C2: variants seen among roughly 807,000 people sequenced by gnomAD.
C2 encodes the protein C3/C5 convertase.
A neutral mutation model predicts 85.2 loss-of-function variants in C2; 64 were observed. The observed-to-expected ratio is 0.75, with a 90% CI of 0.61 to 0.92. The LOEUF (loss-of-function observed/expected upper bound fraction) is 0.92, where lower values mean the gene tolerates loss of function less well. C2 is among the 40% of genes least tolerant of loss of function. The pLI is 0.00. For missense variants in C2, 820 were observed against 971.6 expected, an observed-to-expected ratio of 0.84 and a Z score of 2.07; for synonymous variants, 311 against 370.8, an observed-to-expected ratio of 0.84 and a Z score of 1.85.
chr6:31,937,092 C>A, intron 7 of C2: 1 of 537,980 alleles, frequency 1.9e-6, no homozygotes, highest in South Asian at 2.2e-5. Context: ...ACCTGTAATC[C>A]CAGCTACTTG....
upstream of C2, among the ~76,000 whole-genome samples, chr6:31,916,180 A>G (rs644045): frequency 0.73 from 110,385 of 151,964 alleles, 40,673 homozygotes; most frequent in South Asian, 0.84. Flanking sequence ...GGACTTGGCC[A>G]TAGGTAGTTA....
chr6:31,944,822 T>A lies in C2; in HGVS notation c.1998T>A (p.Ser666Arg). ...TGGTGACAGACCAGTTCCTATGCAG[T>A]GGGACCCAGGAGGATGAGAGTCCCT... ...REVVTDQFLC[S>R]GTQEDESPCK... The change falls in exon 16 of 18, where the codon AGT (serine) becomes AGA (arginine). Residue 666 changes from serine to arginine, a missense_variant. Coordinates refer to ENST00000299367, the MANE Select transcript of C2 (RefSeq NM_000063.6). This position sits in a 1 kb window ranked among gnomAD's most constrained non-coding sequence, Gnocchi z 5.1. 6.2e-7 allele frequency: 1 copy of A among 1,613,068 alleles called. No individual in the cohort carries two copies. The highest frequency in any genetic ancestry group is 8.5e-7 in the Non-Finnish European group (1 of 1,180,012).
intron 7 of C2, 95 bp from the exon 8 acceptor site, chr6:31,937,224 T>C (rs1770492516): frequency 1.5e-6 from 2 of 1,330,322 alleles, no homozygotes; most frequent in East Asian, 4.6e-5. Context: ...AAAAAAAAAT[T>C]GCATTTCCAA....
chr6:31,936,242 C>T, intron 7 of C2, 181 bp downstream of exon 7: 1 of 654,470 alleles, frequency 1.5e-6, no homozygotes, highest in Non-Finnish European at 2.7e-6. Flanking sequence ...GCCCCCAGCT[C>T]ATAGCTCATT....
Position 31,901,150 on chromosome 6 carries a change from G to C in C2, c.73+11G>C, listed in dbSNP as rs1479808251. On this transcript the variant is annotated intron_variant, in intron 1 of 3. Transcript: ENST00000452202. ...GGTCCCGCAGGAAGGGTGAGCAGGC[G>C]GCCAAGATGACCTTGTGGCCTCGAA... 1.2e-5 allele frequency: 20 copies of C among 1,613,810 alleles called. 1 individual carries two copies. The highest frequency in any genetic ancestry group is 6.6e-5 in the South Asian group (6 of 91,080).
upstream of C2, among the ~76,000 whole-genome samples, chr6:31,924,981 C>G (rs1000331243): frequency 1.3e-5 from 2 of 152,096 alleles, no homozygotes; most frequent in Non-Finnish European, 2.9e-5. Flanking sequence ...GGGGCTAGGC[C>G]TCGAGAGACC....
At chr6:31,928,265 G>A (rs567859536) in intron 2 of C2, 101 bp downstream of exon 2, 1 of 1,103,610 alleles carries the variant, frequency 9.1e-7, no homozygotes, top group South Asian at 1.3e-5. Flanking sequence ...TGACTAGATG[G>A]CAAAGTTGCT....
intron 7 of C2, chr6:31,936,804 G>T (rs1469084237): frequency 6.0e-6 from 1 of 166,494 alleles, no homozygotes; most frequent in Non-Finnish European, 1.3e-5. Context: ...ACCTTGCCCG[G>T]CCCTATGCAA....
chr6:31,924,679 T>C (rs529077444), upstream of C2, among the ~76,000 whole-genome samples: 28 of 152,204 alleles, frequency 1.8e-4, 1 homozygote, highest in Admixed American at 3.3e-4. Context: ...CTGTTACATA[T>C]TAGTTTGATG....
At chr6:31,901,316 G>A (rs1403284071) in intron 1 of C2, 2 of 1,601,008 alleles carry the variant, frequency 1.2e-6, no homozygotes, top group Non-Finnish European at 1.7e-6. Flanking sequence ...TGTGGCGGGG[G>A]TGGGCAACCC....
At chr6:31,919,144 C>CTTTTTTTTTTT (rs559090030), upstream of C2, among the ~76,000 whole-genome samples, 2 of 133,666 alleles carry the variant, frequency 1.5e-5, no homozygotes, top group African/African-American at 2.8e-5. Context: ...CTTTTCTTTT[C>CTTTTTTTTTTT]TTTTTTTTTT....
upstream of C2, chr6:31,900,857 G>T: frequency 6.2e-7 from 1 of 1,613,042 alleles, no homozygotes; most frequent in South Asian, 1.1e-5. This position sits in a 1 kb window ranked among gnomAD's most constrained non-coding sequence, Gnocchi z 9.7. Context: ...GAGGGACTTG[G>T]TGGCGCTGAT....
At chr6:31,914,728 C>G (rs1338979459) in intron 1 of C2, among the ~76,000 whole-genome samples, 5 of 151,246 alleles carry the variant, frequency 3.3e-5, no homozygotes, top group Non-Finnish European at 5.9e-5. Context: ...CTGGCTAACA[C>G]GGTGAAACCC....
chr6:31,925,585 G>C (rs569218191), upstream of C2, among the ~76,000 whole-genome samples: 5 of 152,270 alleles, frequency 3.3e-5, no homozygotes, highest in African/African-American at 1.2e-4. Context: ...GAGCCACTGT[G>C]CCCGGCTGGT....
At position 31,935,869 on chromosome 6, in the gene C2, A is replaced by G. The variant is rs545067469; in HGVS notation, c.850-54A>G. 9.3e-6 allele frequency: 15 copies of G among 1,604,304 alleles called. No individual in the cohort carries two copies. Among genetic ancestry groups the G allele is most frequent in the East Asian group, 4.5e-5 (2 of 44,812 alleles). ...AGGGCCCTTTGTTTGCTCTCTTACC[A>G]TCTCCCCTTTGGCTTCAGGGCCCTT... On this transcript the variant is annotated intron_variant, in intron 6 of 17. Coordinates refer to ENST00000299367, the MANE Select transcript of C2 (RefSeq NM_000063.6). The surrounding 1 kb of genome is among the most constrained non-coding windows in gnomAD (Gnocchi z 4.3).
chr6:31,913,030 C>CAAAAA (rs34465217), intron 1 of C2, among the ~76,000 whole-genome samples: 3 of 70,526 alleles, frequency 4.3e-5, no homozygotes, highest in Non-Finnish European at 5.6e-5. Context: ...CCTGTTTCCA[C>CAAAAA]AAAAAAAAAA....
At position 31,921,438 on chromosome 6, in the gene C2, G is replaced by T. The variant is rs1377976103; in HGVS notation, c.-100+1412G>T. ...AAAAGAAGGTGTTATGGGAGAGGGGGTGCCAAGAGGAAAGAGCCTAGGGGA... is the reference window on the plus strand; with the variant it reads ...AAAAGAAGGTGTTATGGGAGAGGGGTTGCCAAGAGGAAAGAGCCTAGGGGA... On this transcript the variant is annotated intron_variant, in intron 1 of 3. Coordinates refer to the C2 transcript ENST00000413154. The surrounding 1 kb of genome is among the most constrained non-coding windows in gnomAD (Gnocchi z 4.6). 1.3e-5 allele frequency among the ~76,000 whole-genome samples: 2 copies of T among 152,088 alleles called. No individual in the cohort carries two copies. Among genetic ancestry groups the T allele is most frequent in the African/African-American group, 4.8e-5 (2 of 41,404 alleles).
upstream of C2, chr6:31,927,392 T>A: frequency 1.3e-6 from 1 of 758,934 alleles, no homozygotes; most frequent in Non-Finnish European, 1.9e-6. The surrounding 1 kb of genome is among the most constrained non-coding windows in gnomAD (Gnocchi z 4.7). Context: ...AAGGTGCATG[T>A]GTGCACACAC....
chr6:31,918,365 T>C (rs1404955659), upstream of C2, among the ~76,000 whole-genome samples: 1 of 151,942 alleles, frequency 6.6e-6, no homozygotes, highest in African/African-American at 2.4e-5. Context: ...GGCAGGAGGA[T>C]CACTTGAAGC....
Sources: gnomAD v4.1 joint callset for allele counts (sites outside exome capture counted in the v4.1 genomes callset) on GRCh38, gnomAD v4.1.1 for gene constraint, Gnocchi (gnomAD v3.1) non-coding constraint, MANE v1.5 for transcripts, NCBI Gene and HGNC (gene_info 2026-07-23, HGNC 2026-07-21) for gene names.